RDH8: variants seen among roughly 807,000 people sequenced by gnomAD.
RDH8 encodes the protein photoreceptor outer segment all-trans retinol dehydrogenase.
A neutral mutation model predicts 22.3 loss-of-function variants in RDH8; 14 were observed. The observed-to-expected ratio is 0.63, with a 90% CI of 0.42 to 0.98. The LOEUF (loss-of-function observed/expected upper bound fraction) is 0.98. RDH8 is among the 50% of genes least tolerant of loss of function. RDH8 has a pLI of 0.00. For missense variants in RDH8, 389 were observed against 409.8 expected (o/e 0.95, Z 0.44); for synonymous variants, 175 against 171.7 (o/e 1.02, Z -0.15).
chr19:10,013,699 G>C, intron 1 of RDH8, 99 bp downstream of exon 1: 1 of 1,286,590 alleles, frequency 7.8e-7, no homozygotes, highest in African/African-American at 1.5e-5. Context: ...TTGTGGGCTT[G>C]GGGAGACCCA....
At chr19:10,019,849 A>T (rs1362192994) in intron 3 of RDH8, among the ~76,000 whole-genome samples, 1 of 151,180 alleles carries the variant, frequency 6.6e-6, no homozygotes, top group Non-Finnish European at 1.5e-5. Flanking sequence ...AAAAACAACA[A>T]CAAAACTTTG....
Position 10,017,195 on chromosome 19 carries a change from AG to A in RDH8, c.245del (p.Gly82GlufsTer7). ...GTGGCCCAGTGTCTCAGCTGTATCC[AG>A]GGAGAAGTGGACGTGCTGGGTGAGA... is the stretch of plus-strand genomic sequence containing the variant. Reference protein sequence around the residue: ...ESVAQCLSCIQGEVDVLVNNA... With the variant: ...ESVAQCLSCIXGEVDVLVNNA... On this transcript the variant is annotated frameshift_variant, in exon 2 of 6. Transcript: ENST00000591589. LOFTEE classifies it high-confidence loss of function. The A allele has an allele frequency of 6.2e-7, 1 of 1,600,098 alleles. No individual in the cohort carries two copies. The highest frequency in any genetic ancestry group is 8.5e-7 in the Non-Finnish European group (1 of 1,171,618).
rs148507060 is a variant in RDH8, at chr19:10,021,660, C to T, written c.847C>T (p.Arg283Cys). The change falls in exon 6 of 6, where the codon CGC (arginine) becomes TGC (cysteine). Residue 283 changes from arginine (R) to cysteine (C), a missense_variant. Coordinates refer to ENST00000591589, the MANE Select transcript of RDH8 (RefSeq NM_015725.4). ...CAGCCTGTATGTGCGAACGACCCAC[C>T]GCCTCCTCTTCCGCTGTCCACGCCT... ...SGSLYVRTTH[R>C]LLFRCPRLLN... 5 of 1,614,024 alleles carry T rather than the reference C, an allele frequency of 3.1e-6. No individual in the cohort carries two copies. Among genetic ancestry groups the T allele is most frequent in the African/African-American group, 2.7e-5 (2 of 74,926 alleles).
In RDH8 at chr19:10,019,373, A is replaced by G. The variant is rs147798070; in HGVS notation, c.442+463A>G. On this transcript the variant is annotated intron_variant, in intron 3 of 5. Transcript: ENST00000591589. ...GAAGGATTCTGAAGTTCAGAAGGAAAAAGTGGCCAGACATGGTGACTCACG... is the reference window on the plus strand; with the variant it reads ...GAAGGATTCTGAAGTTCAGAAGGAAGAAGTGGCCAGACATGGTGACTCACG... Among the ~76,000 whole-genome samples the G allele has an allele frequency of 3.2e-4, 48 of 152,274 alleles. No individual in the cohort carries two copies. The East Asian group carries it at 8.3e-3, about 26-fold the overall frequency.
In RDH8 at chr19:10,022,204, A is replaced by G. The variant is rs1426596409; in HGVS notation, c.*455A>G. The G allele has an allele frequency of 6.1e-6, 1 of 164,952 alleles. No homozygotes were observed. The highest frequency in any genetic ancestry group is 2.4e-5 in the African/African-American group (1 of 41,732). The allele number at this position is 164,952 out of a possible 1,614,324, so 10.2% of individuals were successfully genotyped here. The stretch of plus-strand genomic sequence containing the variant: ...GGGGTCATTCCTGGTCACACACTCC[A>G]TCAGCAAAATGTATTTGAGCACACA... On this transcript the variant is annotated 3_prime_UTR_variant, in exon 6 of 6. Transcript: ENST00000591589.
In RDH8 at chr19:10,018,765, G is replaced by T. The variant is rs1364270009; in HGVS notation, c.297G>T (p.Leu99=). Residue 99 remains leucine, a synonymous_variant, in exon 3 of 6, where the codon CTG becomes CTT. Transcript: ENST00000591589. ...CTGGAATGGGCCTGGTGGGGCCCCT[G>T]GAGGGGCTCAGCCTTGCTGCCATGC... ...NNAGMGLVGP[L]EGLSLAAMQN... is the part of the protein sequence containing the mutation. The T allele has an allele frequency of 1.2e-6, 2 of 1,612,802 alleles. No homozygotes were observed. The highest frequency in any genetic ancestry group is 1.7e-6 in the Non-Finnish European group (2 of 1,179,088).
rs2087656404 is a variant in RDH8 at position 10,021,264 on chromosome 19, G to A, written c.546G>A (p.Leu182=). 1 of 1,613,964 alleles carries A rather than the reference G, an allele frequency of 6.2e-7. No individual in the cohort carries two copies. The highest frequency in any genetic ancestry group is 1.7e-5 in the Admixed American group (1 of 59,982). The stretch of plus-strand genomic sequence containing the variant: ...CATGCCTGGTCGCCAGCATCTCCCT[G>A]GTGGAGCCAGGCCCCGTGGTCACCG... ...QLLQFNIFIS[L]VEPGPVVTEF... The change falls in exon 5 of 6, where the codon CTG becomes CTA. Residue 182 remains leucine, a synonymous_variant. Transcript: ENST00000591589.
At position 10,021,978 on chromosome 19, in the gene RDH8, G is replaced by A; in HGVS notation, c.*229G>A. The A allele has an allele frequency of 1.8e-6, 1 of 568,848 alleles. No individual in the cohort carries two copies. The highest frequency in any genetic ancestry group is 2.2e-5 in the South Asian group (1 of 45,550). The allele number at this position is 568,848 out of a possible 1,614,324, so 35.2% of individuals were successfully genotyped here. On this transcript the variant is annotated 3_prime_UTR_variant, in exon 6 of 6. Transcript: ENST00000591589. ...GGACCCTGGGAACTTGGCCTGGGAA[G>A]CCCAGAGCAGGAAGCCACAGCTGTC...
intron 2 of RDH8, among the ~76,000 whole-genome samples, chr19:10,017,751 A>G (rs1293665980): frequency 6.6e-6 from 1 of 151,890 alleles, no homozygotes; most frequent in African/African-American, 2.4e-5. Context: ...GGTTCAAGCA[A>G]TTCTCCTGCC....
Position 10,021,818 on chromosome 19 carries a change from G to A in RDH8, c.*69G>A, listed in dbSNP as rs2145170273. On this transcript the variant is annotated 3_prime_UTR_variant, in exon 6 of 6. Coordinates refer to ENST00000591589, the MANE Select transcript of RDH8 (RefSeq NM_015725.4). ...TCTTCATTCCACATCTAATTCAAAG[G>A]ATGAACAGACTCTTCATTTATTCAT... is the stretch of plus-strand genomic sequence containing the variant. 6 of 1,459,208 alleles carry A rather than the reference G, an allele frequency of 4.1e-6. No homozygotes were observed. The highest frequency in any genetic ancestry group is 5.7e-6 in the Non-Finnish European group (6 of 1,061,040). 90.4% of individuals were successfully genotyped at this position (1,459,208 alleles called of 1,614,324 possible).
chr19:10,019,220 C>T (rs542891329), intron 3 of RDH8, among the ~76,000 whole-genome samples: 8 of 151,758 alleles, frequency 5.3e-5, no homozygotes, highest in Non-Finnish European at 8.8e-5. Context: ...ATTCCTTGAA[C>T]CTGGGAGGTG....
At chr19:10,021,037 G>A (rs1191236499) in intron 4 of RDH8, 4 of 626,310 alleles carry the variant, frequency 6.4e-6, no homozygotes, top group South Asian at 2.0e-5. Flanking sequence ...GCCAAGGGTG[G>A]TGGTGTGTGT....
chr19:10,017,344 A>G lies in RDH8; in HGVS notation c.262+129A>G, dbSNP rs1274362068. 8 of 1,015,110 alleles carry G rather than the reference A, an allele frequency of 7.9e-6. No homozygotes were observed. In the South Asian group the frequency reaches 1.2e-4, roughly 15 times the overall value. The allele number at this position is 1,015,110 out of a possible 1,614,324, so 62.9% of individuals were successfully genotyped here. On this transcript the variant is annotated intron_variant, in intron 2 of 5. Coordinates refer to ENST00000591589, the MANE Select transcript of RDH8 (RefSeq NM_015725.4). ...CTCTGAACCTGGGCAGAAGGGGTAG[A>G]CCAGTTGGCCAAGAGGGGTAGACCA... is the stretch of plus-strand genomic sequence containing the variant.
At position 10,021,235 on chromosome 19, in the gene RDH8, T is replaced by TCAGACAG; in HGVS notation, c.537-20_537-19insCAGACAG. On this transcript the variant is annotated intron_variant, in intron 4 of 5. Transcript: ENST00000591589. ...AGTGGTTGGGGCATCAGACTTACAC[T>TCAGACAG]ACCCATGCCTGGTCGCCAGCATCTC... 2 of 1,611,012 alleles carry TCAGACAG rather than the reference T, an allele frequency of 1.2e-6. No homozygotes were observed. The highest frequency in any genetic ancestry group is 3.4e-5 in the Admixed American group (2 of 59,634).
At chr19:10,013,718 TC>T in intron 1 of RDH8, 118 bp downstream of exon 1, 2 of 1,000,350 alleles carry the variant, frequency 2.0e-6, no homozygotes, top group South Asian at 1.5e-5. Context: ...CAGGATTCCC[TC>T]CAGGAATCAT....
In RDH8 at chr19:10,013,508, C is replaced by T; in HGVS notation, c.11C>T (p.Ala4Val). 1 of 1,613,344 alleles carries T rather than the reference C, an allele frequency of 6.2e-7. No homozygotes were observed. Among genetic ancestry groups the T allele is most frequent in the South Asian group, 1.1e-5 (1 of 91,068 alleles). The change falls in exon 1 of 6, where the codon GCA becomes GTA. Residue 4 changes from alanine (A) to valine (V), a missense_variant. Ala to Val is a moderately conservative substitution (Grantham distance 64, BLOSUM62 0). Transcript: ENST00000591589. ...AGGGAGGGGATCAACATGGCCGCTG[C>T]ACCCCGGACTGTGTTGATCTCCGGC... MAA[A>V]PRTVLISGCS...
rs762649706 is a variant in RDH8 at position 10,017,027 on chromosome 19, C to T, written c.104-30C>T. On this transcript the variant is annotated intron_variant, in intron 1 of 5. Coordinates refer to ENST00000591589, the MANE Select transcript of RDH8 (RefSeq NM_015725.4). ...ACACCAAGGGGAAAGGAGCTCAGTG[C>T]CTGTCCCTGCTTTACTCTCTGCCCC... is the stretch of plus-strand genomic sequence containing the variant. 6 of 1,504,634 alleles carry T rather than the reference C, an allele frequency of 4.0e-6. No homozygotes were observed. The East Asian group carries it at 1.4e-4, about 35-fold the overall frequency. The allele number at this position is 1,504,634 out of a possible 1,614,324, so 93.2% of individuals were successfully genotyped here.
At chr19:10,016,700 G>C (rs943861606) in intron 1 of RDH8, among the ~76,000 whole-genome samples, 1 of 151,206 alleles carries the variant, frequency 6.6e-6, no homozygotes, top group Non-Finnish European at 1.5e-5. Context: ...TCAAACTCCT[G>C]GGGTCAAGCA....
intron 2 of RDH8, among the ~76,000 whole-genome samples, chr19:10,017,426 C>A (rs1005357591): frequency 6.6e-6 from 1 of 152,084 alleles, no homozygotes; most frequent in African/African-American, 2.4e-5. Flanking sequence ...TACCTGTAAT[C>A]CTAGCACTTT....
Sources: allele counts gnomAD v4.1 joint callset (sites outside exome capture counted in the v4.1 genomes callset), GRCh38; gene constraint gnomAD v4.1.1; transcripts MANE v1.5; gene names NCBI Gene and HGNC (gene_info 2026-07-23, HGNC 2026-07-21).